The following CLUL1 variants were observed in gnomAD, a reference collection of about 807,000 sequenced individuals.
The protein encoded by CLUL1 is clusterin-like protein 1.
Under a neutral mutation model 49.4 loss-of-function variants are expected in CLUL1, and 43 were observed. The ratio of observed to expected loss-of-function variants is 0.87; its 90% CI spans 0.68 to 1.12. The LOEUF is 1.12. CLUL1 is among the 50% of genes most tolerant of loss of function. The probability of loss-of-function intolerance (pLI) is 0.00; values close to 1 mark genes in which losing one functional copy is unlikely to be tolerated. For synonymous variants in CLUL1, 192 were observed against 184.9 expected, an observed-to-expected ratio of 1.04 and a Z score of -0.31; for missense variants, 486 against 544.4, an observed-to-expected ratio of 0.89 and a Z score of 1.07.
At chr18:639,179 C>G (rs572959666) in intron 7 of CLUL1, among the ~76,000 whole-genome samples, 2 of 152,194 alleles carry the variant, frequency 1.3e-5, no homozygotes, top group East Asian at 3.9e-4. Context: ...GTAATCCCAG[C>G]ATTTTGGGAG....
chr18:604,122 C>A (rs1375036365), intron 1 of CLUL1, among the ~76,000 whole-genome samples: 1 of 152,220 alleles, frequency 6.6e-6, no homozygotes, highest in Non-Finnish European at 1.5e-5. Context: ...CTCAAGTGAT[C>A]CAACCGCCTT....
chr18:617,691 T>C (rs903433393), intron 2 of CLUL1, among the ~76,000 whole-genome samples: 91 of 152,208 alleles, frequency 6.0e-4, no homozygotes, highest in African/African-American at 2.1e-3. Flanking sequence ...AAAATGAAGC[T>C]TGGACTCTGA....
At chr18:643,712 A>G (rs962324397) in intron 8 of CLUL1, among the ~76,000 whole-genome samples, 1 of 152,236 alleles carries the variant, frequency 6.6e-6, no homozygotes, top group Non-Finnish European at 1.5e-5. Flanking sequence ...ATACATTTTT[A>G]TAACAATTAT....
chr18:634,356 A>T (rs566812512), intron 7 of CLUL1, among the ~76,000 whole-genome samples: 4 of 151,664 alleles, frequency 2.6e-5, no homozygotes, highest in Non-Finnish European at 4.4e-5. Flanking sequence ...CTGGTCTCGA[A>T]CTCCTGACCT....
intron 6 of CLUL1, 91 bp from the exon 7 acceptor site, chr18:633,207 G>T (rs768224055): frequency 9.7e-7 from 1 of 1,030,154 alleles, no homozygotes; most frequent in Non-Finnish European, 1.4e-6. Context: ...GATTTTGAAA[G>T]CACTGGTAAG....
intron 1 of CLUL1, among the ~76,000 whole-genome samples, chr18:605,653 T>C (rs1598408802): frequency 6.6e-6 from 1 of 152,270 alleles, no homozygotes; most frequent in African/African-American, 2.4e-5. Flanking sequence ...TTTAGAGTAA[T>C]TCCAGTATAG....
chr18:646,914 T>C (rs1018467042), intron 9 of CLUL1, among the ~76,000 whole-genome samples: 2 of 152,074 alleles, frequency 1.3e-5, no homozygotes, highest in African/African-American at 4.8e-5. Context: ...CATGCCTGGC[T>C]AATTTTTGTG....
intron 7 of CLUL1, among the ~76,000 whole-genome samples, chr18:634,580 T>C (rs1160202936): frequency 6.6e-6 from 1 of 152,202 alleles, no homozygotes; most frequent in Non-Finnish European, 1.5e-5. Context: ...AACTCCTTCC[T>C]TCTTACCGCA....
chr18:620,238 TG>T (rs2073449679), intron 4 of CLUL1, among the ~76,000 whole-genome samples: 1 of 152,190 alleles, frequency 6.6e-6, no homozygotes, highest in Admixed American at 6.5e-5. Context: ...TTGCCAGATC[TG>T]ATTAGATCAC....
chr18:647,185 A>C (rs139201927), intron 9 of CLUL1, among the ~76,000 whole-genome samples: 6 of 151,748 alleles, frequency 4.0e-5, no homozygotes, highest in Admixed American at 3.9e-4. Context: ...TACGGCAAGA[A>C]AGAGTAGAGC....
intron 1 of CLUL1, 124 bp downstream of exon 1, chr18:597,253 C>G (rs980267431): frequency 1.3e-5 from 2 of 152,692 alleles, no homozygotes; most frequent in African/African-American, 4.8e-5. Flanking sequence ...CCCTCCGGCG[C>G]GGACAGAACA....
At chr18:640,698 A>G (rs991349593) in intron 7 of CLUL1, among the ~76,000 whole-genome samples, 2 of 152,208 alleles carry the variant, frequency 1.3e-5, no homozygotes, top group Non-Finnish European at 2.9e-5. Flanking sequence ...TTTTGCTATT[A>G]TAAACAAATC....
intron 1 of CLUL1, among the ~76,000 whole-genome samples, chr18:604,874 T>C (rs957923295): frequency 2.6e-5 from 4 of 152,158 alleles, no homozygotes; most frequent in African/African-American, 9.7e-5. Context: ...TGGGGCCGAG[T>C]TCCCTGTTCG....
At chr18:611,872 G>A (rs1348716189) in intron 2 of CLUL1, among the ~76,000 whole-genome samples, 1 of 152,088 alleles carries the variant, frequency 6.6e-6, no homozygotes, top group African/African-American at 2.4e-5. Context: ...GGGGTTCCTG[G>A]AGCATGAGCA....
intron 4 of CLUL1, among the ~76,000 whole-genome samples, chr18:620,562 G>T (rs1259959473): frequency 1.3e-5 from 2 of 152,038 alleles, no homozygotes; most frequent in African/African-American, 4.8e-5. Context: ...TTTCCCCAAG[G>T]TCATCACATA....
intron 2 of CLUL1, among the ~76,000 whole-genome samples, chr18:607,817 C>T (rs2073022096): frequency 6.6e-6 from 1 of 152,192 alleles, no homozygotes; most frequent in African/African-American, 2.4e-5. Flanking sequence ...CCACCTCAGC[C>T]TCCTTGAGTA....
In CLUL1 at chr18:618,517, G is replaced by A. The variant is rs1357784168; in HGVS notation, c.106+411G>A. Among the ~76,000 whole-genome samples the A allele has an allele frequency of 6.6e-6, 1 of 152,178 alleles. No individual in the cohort carries two copies. The highest frequency in any genetic ancestry group is 2.4e-5 in the African/African-American group (1 of 41,438). ...ATGGGTTATAATTACGTTGAATCTG[G>A]TTGTTCTGTGGCCATTAACTTGCAA... On this transcript the variant is annotated intron_variant, in intron 3 of 9. Transcript: ENST00000692774. This position sits in a 1 kb window ranked among gnomAD's most constrained non-coding sequence, Gnocchi z 4.2.
chr18:616,635 A>T, intron 2 of CLUL1: 1 of 582,000 alleles, frequency 1.7e-6, no homozygotes, highest in Non-Finnish European at 2.2e-6. Flanking sequence ...TAATAGGATT[A>T]AACACTGTGT....
chr18:630,285 T>C (rs1008593662), intron 6 of CLUL1, among the ~76,000 whole-genome samples: 1 of 151,952 alleles, frequency 6.6e-6, no homozygotes, highest in Non-Finnish European at 1.5e-5. Context: ...ATTTTTGTAT[T>C]TTGAGTAGAG....
Sources: gnomAD v4.1 joint callset for allele counts (sites outside exome capture counted in the v4.1 genomes callset) on GRCh38, gnomAD v4.1.1 for gene constraint, Gnocchi (gnomAD v3.1) non-coding constraint, MANE v1.5 for transcripts, NCBI Gene and HGNC (gene_info 2026-07-23, HGNC 2026-07-21) for gene names.